GINS1: variants seen among roughly 807,000 people sequenced by gnomAD.
The protein encoded by GINS1 is DNA replication complex GINS protein PSF1.
A neutral mutation model predicts 34.9 loss-of-function variants in GINS1; 26 were observed. That is an observed-to-expected ratio of 0.74 (90% CI 0.55 to 1.03). The LOEUF (loss-of-function observed/expected upper bound fraction) is 1.03. Ranked by LOEUF, GINS1 falls within the 50% of genes least tolerant of loss-of-function variation. GINS1 has a pLI of 0.00. For missense variants in GINS1, 235 were observed against 237.9 expected, an observed-to-expected ratio of 0.99 and a Z score of 0.08; for synonymous variants, 97 against 84.4, an observed-to-expected ratio of 1.15 and a Z score of -0.82.
chr20:25,408,873 A>T, intron 1 of GINS1: 1 of 974,138 alleles, frequency 1.0e-6, no homozygotes, highest in Non-Finnish European at 1.2e-6. Context: ...CACTTACGTC[A>T]TAGAGCAGGC....
At chr20:25,428,655 C>T (rs551770801) in intron 5 of GINS1, among the ~76,000 whole-genome samples, 103 of 151,144 alleles carry the variant, frequency 6.8e-4, no homozygotes, top group African/African-American at 2.2e-3. Context: ...CCGCCCACCT[C>T]GGCCTCCCAA....
At chr20:25,412,247 T>A (rs1295418893) in intron 1 of GINS1, among the ~76,000 whole-genome samples, 1 of 152,120 alleles carries the variant, frequency 6.6e-6, no homozygotes, top group Non-Finnish European at 1.5e-5. Flanking sequence ...TTTCTTTTGG[T>A]ATTAACCTTT....
At chr20:25,408,493 G>A (rs1205267839) in intron 1 of GINS1, among the ~76,000 whole-genome samples, 1 of 152,068 alleles carries the variant, frequency 6.6e-6, no homozygotes, top group Non-Finnish European at 1.5e-5. Context: ...ATGATTATTT[G>A]TATTTTTCTA....
At chr20:25,421,815 T>G (rs930405433) in intron 4 of GINS1, among the ~76,000 whole-genome samples, 1 of 152,124 alleles carries the variant, frequency 6.6e-6, no homozygotes, top group African/African-American at 2.4e-5. Context: ...CAGCTTCTGA[T>G]TTTTCTTCCA....
intron 5 of GINS1, among the ~76,000 whole-genome samples, chr20:25,426,839 T>A (rs540903080): frequency 1.3e-5 from 2 of 152,268 alleles, no homozygotes; most frequent in Admixed American, 6.5e-5. Context: ...ATTTCCTTCC[T>A]TTTTAAGGAT....
chr20:25,416,432 A>G (rs2090321182), intron 2 of GINS1, among the ~76,000 whole-genome samples: 1 of 152,202 alleles, frequency 6.6e-6, no homozygotes, highest in Non-Finnish European at 1.5e-5. Flanking sequence ...ATCAGGGCCT[A>G]GCACAGTGCC....
rs1338701981 is a variant in GINS1 at position 25,407,844 on chromosome 20, A to G, written c.24A>G (p.Glu8=). 2 of 1,614,024 alleles carry G rather than the reference A, an allele frequency of 1.2e-6. No individual in the cohort carries two copies. The highest frequency in any genetic ancestry group is 1.7e-6 in the Non-Finnish European group (2 of 1,179,946). MFCEKAM[E]LIRELHRAPE... is the part of the protein sequence containing the mutation. ...CCATGTTCTGCGAAAAAGCCATGGA[A>G]CTGATCCGCGAGCTGCATCGCGCGC... The change falls in exon 1 of 7, where the codon GAA becomes GAG. Residue 8 remains glutamate, a synonymous_variant. Transcript: ENST00000262460.
chr20:25,430,387 C>T (rs938974212), intron 5 of GINS1, among the ~76,000 whole-genome samples: 5 of 151,798 alleles, frequency 3.3e-5, no homozygotes, highest in Non-Finnish European at 7.4e-5. Flanking sequence ...TGTTTTTTTC[C>T]CTTCGTTCTG....
rs1210105696 is a variant in GINS1, at chr20:25,407,679, C to T, written c.-142C>T. On this transcript the variant is annotated 5_prime_UTR_variant, in exon 1 of 7. Transcript: ENST00000262460. ...GTTCCTATTGGCTAGCTTTGTTCGG[C>T]GCCAAAGCGCGGAGCGGAGGCCGAG... The T allele has an allele frequency of 4.3e-6, 3 of 691,090 alleles. No homozygotes were observed. Among genetic ancestry groups the T allele is most frequent in the East Asian group, 2.7e-5 (1 of 36,442 alleles). 42.8% of individuals were successfully genotyped at this position (691,090 alleles called of 1,614,324 possible). A position where few individuals can be genotyped will look rare whatever the true frequency, so the allele number is the denominator to read the frequency against.
At chr20:25,430,157 C>A (rs574795660) in intron 5 of GINS1, among the ~76,000 whole-genome samples, 1 of 152,226 alleles carries the variant, frequency 6.6e-6, no homozygotes. Context: ...ATCATCCACC[C>A]GCCTTGGCCT....
At chr20:25,435,810 CTTTTTTTTT>C (rs199615377) in intron 5 of GINS1, among the ~76,000 whole-genome samples, 1 of 108,504 alleles carries the variant, frequency 9.2e-6, no homozygotes. Context: ...TAGAGTTACA[CTTTTTTTTT>C]TTTTTTTTTT....
intron 5 of GINS1, 23 bp from the exon 6 acceptor site, chr20:25,441,679 A>AT: frequency 7.9e-7 from 1 of 1,259,320 alleles, no homozygotes; most frequent in Non-Finnish European, 1.1e-6. Flanking sequence ...TTTAGATAAA[A>AT]CATCTCTCAT....
intron 3 of GINS1, among the ~76,000 whole-genome samples, chr20:25,417,767 T>C (rs1016592482): frequency 1.3e-5 from 2 of 152,084 alleles, no homozygotes; most frequent in Non-Finnish European, 2.9e-5. Flanking sequence ...GGCAGGAGAA[T>C]TGCTTGAATC....
Position 25,441,706 on chromosome 20 carries a change from G to A in GINS1, c.452G>A (p.Arg151Gln), listed in dbSNP as rs1206283679. 21 of 1,512,414 alleles carry A rather than the reference G, an allele frequency of 1.4e-5. No individual in the cohort carries two copies. Among genetic ancestry groups the A allele is most frequent in the Non-Finnish European group, 1.8e-5 (20 of 1,107,190 alleles). 93.7% of individuals were successfully genotyped at this position (1,512,414 alleles called of 1,614,324 possible). The change falls in exon 6 of 7, where the codon CGG becomes CAG. Residue 151 changes from arginine (R) to glutamine (Q), a missense_variant. Coordinates refer to ENST00000262460, the MANE Select transcript of GINS1 (RefSeq NM_021067.5). ...KPPKSLYIEVRCLKDYGEFEV... is the reference protein window; with the variant it reads ...KPPKSLYIEVQCLKDYGEFEV... The stretch of plus-strand genomic sequence containing the variant: ...ATCTCTCATTTTTTCTTTCAGGTCC[G>A]GTGTCTAAAAGACTATGGAGAATTT...
chr20:25,413,056 A>ATTTTTTTTTTTTTTTT (rs753937496), intron 1 of GINS1, among the ~76,000 whole-genome samples: 3 of 135,956 alleles, frequency 2.2e-5, no homozygotes, highest in African/African-American at 2.7e-5. Flanking sequence ...TCAGTAGTTC[A>ATTTTTTTTTTTTTTTT]TTTTTTTTTT....
chr20:25,435,810 CTT>C (rs199615377), intron 5 of GINS1, among the ~76,000 whole-genome samples: 3 of 108,502 alleles, frequency 2.8e-5, no homozygotes, highest in African/African-American at 3.6e-5. Flanking sequence ...TAGAGTTACA[CTT>C]TTTTTTTTTT....
Position 25,446,159 on chromosome 20 carries a change from T to G in GINS1, c.*168T>G. ...TATAATTTGCTAACTATTAAGGACT[T>G]TCTTTTTTTAATGTTGTACACTATT... On this transcript the variant is annotated 3_prime_UTR_variant, in exon 7 of 7. Coordinates refer to ENST00000262460, the MANE Select transcript of GINS1 (RefSeq NM_021067.5). 2.1e-6 allele frequency: 1 copy of G among 476,140 alleles called. No homozygotes were observed. The highest frequency in any genetic ancestry group is 3.7e-6 in the Non-Finnish European group (1 of 268,758). 29.5% of individuals were successfully genotyped at this position (476,140 alleles called of 1,614,324 possible). A position where few individuals can be genotyped will look rare whatever the true frequency, so the allele number is the denominator to read the frequency against.
At chr20:25,407,970 A>ATGAC (rs2090257807) in intron 1 of GINS1, 75 bp downstream of exon 1, 10 of 1,108,142 alleles carry the variant, frequency 9.0e-6, no homozygotes, top group Non-Finnish European at 1.4e-5. Context: ...GCTCCCCGTC[A>ATGAC]GGGTTCACTT....
At chr20:25,427,918 C>G (rs2090401503) in intron 5 of GINS1, among the ~76,000 whole-genome samples, 2 of 132,998 alleles carry the variant, frequency 1.5e-5, no homozygotes, top group Non-Finnish European at 1.5e-5. Flanking sequence ...GTTGCCCAGG[C>G]TAGAATGCAG....
Sources: gnomAD v4.1 joint callset for allele counts (sites outside exome capture counted in the v4.1 genomes callset) on GRCh38, gnomAD v4.1.1 for gene constraint, MANE v1.5 for transcripts, NCBI Gene and HGNC (gene_info 2026-07-23, HGNC 2026-07-21) for gene names.